The following TSPAN5 variants were observed in gnomAD, a reference collection of about 807,000 sequenced individuals.
TSPAN5 encodes tetraspanin 5, also known as tetraspanin-5.
TSPAN5 carries 10 observed loss-of-function variants against 37.1 expected under a neutral mutation model. That is an observed-to-expected ratio of 0.27 (90% confidence interval 0.17 to 0.46). The LOEUF (loss-of-function observed/expected upper bound fraction) is 0.46, where lower values mean the gene tolerates loss of function less well. Among genes scored for constraint, TSPAN5 ranks in the 20% least tolerant of loss-of-function variants. The pLI is 1.00. For synonymous variants in TSPAN5, 110 were observed against 118.9 expected (o/e 0.93, Z 0.48); for missense variants, 195 against 326.6 (o/e 0.60, Z 3.11).
chr4:98,507,959 A>C (rs1270723392), intron 1 of TSPAN5, among the ~76,000 whole-genome samples: 1 of 152,238 alleles, frequency 6.6e-6, no homozygotes, highest in Non-Finnish European at 1.5e-5. Context: ...TCAGATTATG[A>C]AGAGTAATAA....
At chr4:98,550,126 C>T (rs1249872921) in intron 1 of TSPAN5, among the ~76,000 whole-genome samples, 2 of 152,118 alleles carry the variant, frequency 1.3e-5, no homozygotes, top group Non-Finnish European at 2.9e-5. Flanking sequence ...TTTCCCAGCA[C>T]CATTTATTGA....
chr4:98,622,226 C>T (rs1756497866), intron 1 of TSPAN5, among the ~76,000 whole-genome samples: 1 of 152,224 alleles, frequency 6.6e-6, no homozygotes, highest in African/African-American at 2.4e-5. Flanking sequence ...ATTACAGGTG[C>T]CCACTACTAT....
intron 2 of TSPAN5, among the ~76,000 whole-genome samples, chr4:98,504,784 C>T (rs1753436749): frequency 6.6e-6 from 1 of 152,192 alleles, no homozygotes; most frequent in Admixed American, 6.5e-5. Context: ...GTATTCCACA[C>T]ATGTCAAATA....
chr4:98,536,676 T>G lies in TSPAN5; in HGVS notation c.82-28948A>C, dbSNP rs763203154. ...AAGTCCCTGACTGGGGCTGCTACCT[T>G]TTTGTCAGAGATCCTCTGCCCAGAG... On this transcript the variant is annotated intron_variant, in intron 1 of 7. Coordinates refer to ENST00000305798, the MANE Select transcript of TSPAN5 (RefSeq NM_005723.4). 1.5e-4 allele frequency among the ~76,000 whole-genome samples: 23 copies of G among 152,218 alleles called. No homozygotes were observed. In the East Asian group the frequency reaches 2.3e-3, roughly 15 times the overall value.
intron 7 of TSPAN5, among the ~76,000 whole-genome samples, chr4:98,473,992 G>A (rs574845289): frequency 1.3e-5 from 2 of 152,184 alleles, no homozygotes; most frequent in African/African-American, 4.8e-5. Context: ...CTAGATACTA[G>A]GAGTTATCTT....
At chr4:98,637,178 T>C (rs930258682) in intron 1 of TSPAN5, among the ~76,000 whole-genome samples, 1 of 152,184 alleles carries the variant, frequency 6.6e-6, no homozygotes, top group Admixed American at 6.5e-5. Flanking sequence ...GCCACTTACT[T>C]AAGCCTTTGA....
intron 1 of TSPAN5, among the ~76,000 whole-genome samples, chr4:98,547,398 T>C (rs572833334): frequency 5.8e-4 from 88 of 152,314 alleles, no homozygotes; most frequent in Non-Finnish European, 9.8e-4. Flanking sequence ...CAGCCATCAT[T>C]AACTGTCGGA....
chr4:98,518,094 CTTT>C (rs535091902), intron 1 of TSPAN5, among the ~76,000 whole-genome samples: 4 of 132,690 alleles, frequency 3.0e-5, no homozygotes, highest in African/African-American at 8.1e-5. Context: ...AACATCTTGA[CTTT>C]TTTTTTTTTT....
intron 3 of TSPAN5, chr4:98,485,297 G>C (rs1752936204): frequency 6.6e-6 from 1 of 152,424 alleles, no homozygotes; most frequent in African/African-American, 2.4e-5. Flanking sequence ...TGGCAATCAG[G>C]GACAGAGCTC....
At position 98,486,719 on chromosome 4, in the gene TSPAN5, T is replaced by C. The variant is rs774231153; in HGVS notation, c.279+19A>G. ...AAAGTTTTGGCTCTCAATCTGAGAG[T>C]AGAGAGTGGAATACTTACAAACTTG... On this transcript the variant is annotated intron_variant, in intron 3 of 7. Transcript: ENST00000305798. 1.4e-5 allele frequency: 22 copies of C among 1,613,044 alleles called. No individual in the cohort carries two copies. The highest frequency in any genetic ancestry group is 1.5e-5 in the Non-Finnish European group (18 of 1,179,636).
At chr4:98,605,598 T>TTATAAGAC (rs1335463428) in intron 1 of TSPAN5, among the ~76,000 whole-genome samples, 1 of 152,214 alleles carries the variant, frequency 6.6e-6, no homozygotes, top group Admixed American at 6.5e-5. Flanking sequence ...TGAAGTTCAC[T>TTATAAGAC]TATAAGACTA....
intron 2 of TSPAN5, among the ~76,000 whole-genome samples, chr4:98,495,841 A>T (rs538817203): frequency 1.3e-5 from 2 of 152,162 alleles, no homozygotes; most frequent in Admixed American, 1.3e-4. Flanking sequence ...ACCCACACAG[A>T]AAAGAAATAC....
At chr4:98,510,943 A>T (rs1309937895) in intron 1 of TSPAN5, among the ~76,000 whole-genome samples, 2 of 152,160 alleles carry the variant, frequency 1.3e-5, no homozygotes, top group African/African-American at 2.4e-5. Context: ...AGAGCCAAAA[A>T]ACAGAGACAG....
chr4:98,567,601 G>T (rs943748647), intron 1 of TSPAN5, among the ~76,000 whole-genome samples: 2 of 152,134 alleles, frequency 1.3e-5, no homozygotes, highest in Non-Finnish European at 2.9e-5. Flanking sequence ...AACACAGCAC[G>T]GTTGGGATGT....
intron 1 of TSPAN5, among the ~76,000 whole-genome samples, chr4:98,512,073 C>T (rs1041614836): frequency 5.9e-5 from 9 of 152,072 alleles, no homozygotes; most frequent in African/African-American, 1.9e-4. Flanking sequence ...ATTAGCTGGA[C>T]GTGGTGGTGC....
chr4:98,528,401 A>T (rs529582396), intron 1 of TSPAN5, among the ~76,000 whole-genome samples: 2 of 141,156 alleles, frequency 1.4e-5, no homozygotes, highest in Non-Finnish European at 3.0e-5. Context: ...AAAATAATTA[A>T]ATGTAACAGA....
chr4:98,478,552 AC>A (rs35091711), intron 5 of TSPAN5, 132 bp downstream of exon 5: 2 of 1,052,486 alleles, frequency 1.9e-6, no homozygotes, highest in Non-Finnish European at 1.4e-6. Context: ...GAGCACCATA[AC>A]CCCCTACAGG....
At chr4:98,545,329 A>C (rs896804911) in intron 1 of TSPAN5, among the ~76,000 whole-genome samples, 3 of 152,232 alleles carry the variant, frequency 2.0e-5, no homozygotes, top group Non-Finnish European at 4.4e-5. Flanking sequence ...CAATGCCAAA[A>C]GCAATATCCC....
chr4:98,651,825 G>A (rs1403856814), intron 1 of TSPAN5, among the ~76,000 whole-genome samples: 2 of 147,460 alleles, frequency 1.4e-5, no homozygotes, highest in African/African-American at 2.5e-5. Context: ...TGATTCCTAC[G>A]TACTTTCTGA....
Sources: allele counts gnomAD v4.1 joint callset (sites outside exome capture counted in the v4.1 genomes callset), GRCh38; gene constraint gnomAD v4.1.1; transcripts MANE v1.5; gene names NCBI Gene and HGNC (gene_info 2026-07-23, HGNC 2026-07-21).